The following CFAP20DC variants were observed in gnomAD, a reference collection of about 807,000 sequenced individuals.
CFAP20DC encodes the protein CFAP20 domain containing.
Under a neutral mutation model 101.7 loss-of-function variants are expected in CFAP20DC, and 84 were observed. That is an observed-to-expected ratio of 0.83 (90% CI 0.69 to 0.99). The LOEUF (loss-of-function observed/expected upper bound fraction) is 0.99, where lower values mean the gene tolerates loss of function less well. Ranked by LOEUF, CFAP20DC falls within the 50% of genes least tolerant of loss-of-function variation. CFAP20DC has a pLI of 0.00. For synonymous variants in CFAP20DC, 359 were observed against 351.2 expected (o/e 1.02, Z -0.25); for missense variants, 1,007 against 970.3 (o/e 1.04, Z -0.50).
chr3:58,940,690 A>G (rs1053125474), intron 4 of CFAP20DC, among the ~76,000 whole-genome samples: 1 of 152,136 alleles, frequency 6.6e-6, no homozygotes, highest in African/African-American at 2.4e-5. Flanking sequence ...ATTACTGTAG[A>G]TTTAGAGTAA....
rs564243858 is a variant in CFAP20DC at position 58,724,302 on chromosome 3, G to A, written c.198-6674C>T. Among the ~76,000 whole-genome samples the A allele has an allele frequency of 2.0e-5, 3 of 152,284 alleles. No homozygotes were observed. Among genetic ancestry groups the A allele is most frequent in the Admixed American group, 2.0e-4 (3 of 15,302 alleles). On this transcript the variant is annotated intron_variant, in intron 3 of 3. Transcript: ENST00000486145. The surrounding 1 kb of genome is among the most constrained non-coding windows in gnomAD (Gnocchi z 5.6). ...CAGTGTTGGGAAAAGGGCTTGTGGGGTGCCTGTATAAACTGGCCATAAAAA... is the reference window on the plus strand; with the variant it reads ...CAGTGTTGGGAAAAGGGCTTGTGGGATGCCTGTATAAACTGGCCATAAAAA...
At chr3:58,933,087 C>A (rs1367149703) in intron 5 of CFAP20DC, among the ~76,000 whole-genome samples, 2 of 151,964 alleles carry the variant, frequency 1.3e-5, no homozygotes, top group East Asian at 3.9e-4. Context: ...ATCTACCAAG[C>A]AAATGGAAAA....
At chr3:59,040,083 A>C (rs932188483) in intron 3 of CFAP20DC, among the ~76,000 whole-genome samples, 1 of 152,156 alleles carries the variant, frequency 6.6e-6, no homozygotes, top group Admixed American at 6.6e-5. Flanking sequence ...AAACAATTCT[A>C]ATTATGACAA....
chr3:59,039,538 G>A lies in CFAP20DC; in HGVS notation c.278+19C>T, dbSNP rs1357347333. The A allele has an allele frequency of 1.3e-5, 18 of 1,414,140 alleles. No individual in the cohort carries two copies. Among genetic ancestry groups the A allele is most frequent in the East Asian group, 2.5e-5 (1 of 39,822 alleles). The allele number at this position is 1,414,140 out of a possible 1,614,324, so 87.6% of individuals were successfully genotyped here. A position where few individuals can be genotyped will look rare whatever the true frequency, so the allele number is the denominator to read the frequency against. ...GTCTAATACACACAAAACATTCAAAGAAGTTCTGTATATCTTACAGCAATT... is the reference window on the plus strand; with the variant it reads ...GTCTAATACACACAAAACATTCAAAAAAGTTCTGTATATCTTACAGCAATT... On this transcript the variant is annotated intron_variant, in intron 4 of 16. Transcript: ENST00000482387.
intron 4 of CFAP20DC, among the ~76,000 whole-genome samples, chr3:58,944,864 TA>T (rs1416228871): frequency 6.6e-6 from 1 of 152,148 alleles, no homozygotes; most frequent in African/African-American, 2.4e-5. Flanking sequence ...GACTGGAGTG[TA>T]AACTACTGAA....
At chr3:59,009,565 T>C (rs572974856) in intron 4 of CFAP20DC, among the ~76,000 whole-genome samples, 2 of 151,986 alleles carry the variant, frequency 1.3e-5, no homozygotes, top group African/African-American at 2.4e-5. Flanking sequence ...TAGAAGAAAT[T>C]TGGGATTATG....
intron 5 of CFAP20DC, among the ~76,000 whole-genome samples, chr3:58,926,844 T>A (rs1245871974): frequency 6.6e-6 from 1 of 152,236 alleles, no homozygotes. Context: ...TTGTAATTTA[T>A]CATATCACTT....
At position 59,049,612 on chromosome 3, in the gene CFAP20DC, T is replaced by C; in HGVS notation, c.20A>G (p.Gln7Arg). 1.3e-6 allele frequency: 2 copies of C among 1,536,108 alleles called. No individual in the cohort carries two copies. The highest frequency in any genetic ancestry group is 1.7e-6 in the Non-Finnish European group (2 of 1,146,858). Residue 7 changes from glutamine to arginine, a missense_variant and splice_region_variant, in exon 1 of 17, where the codon CAG (glutamine) becomes CGG (arginine). Gln to Arg is a conservative substitution (Grantham distance 43). Transcript: ENST00000482387. MFKNEYQGGAFVEIFSA... is the reference protein window; with the variant it reads MFKNEYRGGAFVEIFSA... Reference sequence around the variant, plus strand: ...GGTTGGAGAACCGTTTCGGGTTACCTGGTACTCATTTTTGAACATTCCCGC... The same window carrying C: ...GGTTGGAGAACCGTTTCGGGTTACCCGGTACTCATTTTTGAACATTCCCGC...
At chr3:58,777,280 C>T (rs780626300) in intron 15 of CFAP20DC, among the ~76,000 whole-genome samples, 5 of 152,142 alleles carry the variant, frequency 3.3e-5, no homozygotes, top group East Asian at 3.9e-4. Flanking sequence ...CCTTTTTGGA[C>T]GCAACCAATG....
At chr3:58,916,618 T>C (rs955528141) in intron 5 of CFAP20DC, among the ~76,000 whole-genome samples, 1 of 152,146 alleles carries the variant, frequency 6.6e-6, no homozygotes, top group Non-Finnish European at 1.5e-5. Context: ...TTAATAATCA[T>C]TCAAGAAATA....
chr3:58,946,952 A>G (rs977522474), intron 4 of CFAP20DC, among the ~76,000 whole-genome samples: 1 of 152,234 alleles, frequency 6.6e-6, no homozygotes, highest in Non-Finnish European at 1.5e-5. Context: ...AATAGGAATG[A>G]ATATTTACAT....
At chr3:59,032,373 G>A (rs2109107234) in intron 4 of CFAP20DC, among the ~76,000 whole-genome samples, 1 of 152,216 alleles carries the variant, frequency 6.6e-6, no homozygotes, top group East Asian at 1.9e-4. Context: ...GGGAAAGGGG[G>A]CTGAAGCCAG....
intron 4 of CFAP20DC, among the ~76,000 whole-genome samples, chr3:59,038,841 T>C (rs895824164): frequency 9.2e-5 from 14 of 152,130 alleles, no homozygotes; most frequent in South Asian, 2.1e-4. Context: ...TCATTTATTC[T>C]GGCATGGAAA....
rs143487720 is a variant in CFAP20DC, at chr3:58,744,199, G to A, written c.2333-1627C>T. On this transcript the variant is annotated intron_variant, in intron 16 of 16. Transcript: ENST00000482387. The stretch of plus-strand genomic sequence containing the variant: ...TGGCCCTCATGACCCTGTGGAATAC[G>A]CAGGAATTATCATGCCCATTTTATA... Among the ~76,000 whole-genome samples the A allele has an allele frequency of 1.7e-3, 254 of 152,226 alleles. 11 individuals carry two copies. The South Asian group carries it at 0.047, about 28-fold the overall frequency.
chr3:58,748,853 T>A (rs2068377189), intron 16 of CFAP20DC, among the ~76,000 whole-genome samples: 1 of 152,186 alleles, frequency 6.6e-6, no homozygotes, highest in Non-Finnish European at 1.5e-5. Context: ...GTCAGACAGG[T>A]CTGGGTCAGT....
Position 59,007,034 on chromosome 3 carries a change from C to T in CFAP20DC, c.278+32523G>A, listed in dbSNP as rs1244851457. On this transcript the variant is annotated intron_variant, in intron 4 of 16. Transcript: ENST00000482387. The surrounding 1 kb of genome is among the most constrained non-coding windows in gnomAD (Gnocchi z 4.4). Reference sequence around the variant, plus strand: ...GCGAGAGCGAGACTGGCCTTGCCAACTGTGTGGAGCTGGGTGAGGCCTTTT... The same window carrying T: ...GCGAGAGCGAGACTGGCCTTGCCAATTGTGTGGAGCTGGGTGAGGCCTTTT... Among the ~76,000 whole-genome samples the T allele has an allele frequency of 2.0e-5, 3 of 152,182 alleles. No homozygotes were observed. The highest frequency in any genetic ancestry group is 1.5e-5 in the Non-Finnish European group (1 of 68,036).
intron 5 of CFAP20DC, among the ~76,000 whole-genome samples, chr3:58,933,862 C>A (rs1477562775): frequency 6.6e-6 from 1 of 151,622 alleles, no homozygotes; most frequent in Non-Finnish European, 1.5e-5. Flanking sequence ...ATTAAAACAA[C>A]TAGAAAAGCA....
intron 4 of CFAP20DC, among the ~76,000 whole-genome samples, chr3:58,972,997 A>C (rs1559922697): frequency 6.6e-6 from 1 of 152,192 alleles, no homozygotes; most frequent in East Asian, 1.9e-4. Context: ...CATATTATTT[A>C]AACAATATTT....
intron 16 of CFAP20DC, among the ~76,000 whole-genome samples, chr3:58,746,800 GAAGT>G (rs1325589797): frequency 1.3e-5 from 2 of 152,040 alleles, no homozygotes; most frequent in East Asian, 1.9e-4. Context: ...ATTTTATGTT[GAAGT>G]AAGTGCTTTA....
Sources: gnomAD v4.1 joint callset for allele counts (sites outside exome capture counted in the v4.1 genomes callset) on GRCh38, gnomAD v4.1.1 for gene constraint, Gnocchi (gnomAD v3.1) non-coding constraint, MANE v1.5 for transcripts, NCBI Gene and HGNC (gene_info 2026-07-23, HGNC 2026-07-21) for gene names.